Variants in MAP7D1 observed in about 807,000 individuals in gnomAD.
The protein encoded by MAP7D1 is MAP7 domain-containing protein 1.
In MAP7D1, 30 loss-of-function variants were observed where a neutral mutation model predicts 97.5. The observed-to-expected ratio is 0.31, with a 90% CI of 0.23 to 0.42. The LOEUF (loss-of-function observed/expected upper bound fraction) is 0.42, where lower values mean the gene tolerates loss of function less well. Among genes scored for constraint, MAP7D1 ranks in the 10% least tolerant of loss-of-function variants. The pLI is 1.00. For missense variants in MAP7D1, 1,184 were observed against 1,179.5 expected (o/e 1.00, Z -0.06); for synonymous variants, 536 against 477.1 (o/e 1.12, Z -1.61).
Position 36,156,392 on chromosome 1 carries a change from C to T in MAP7D1, c.-26C>T. On this transcript the variant is annotated 5_prime_UTR_variant, in exon 1 of 17. Transcript: ENST00000474796. The stretch of plus-strand genomic sequence containing the variant: ...CGCCGCCGCCGCCGCCGCTGAGACC[C>T]CGAGACCCCCAGTGACGCCGCAGCC... The T allele has an allele frequency of 6.7e-7, 1 of 1,485,576 alleles. No homozygotes were observed. 92.0% of individuals were successfully genotyped at this position (1,485,576 alleles called of 1,614,324 possible). A position where few individuals can be genotyped will look rare whatever the true frequency, so the allele number is the denominator to read the frequency against.
At chr1:36,163,676 C>T (rs1422081118) in intron 1 of MAP7D1, among the ~76,000 whole-genome samples, 2 of 152,104 alleles carry the variant, frequency 1.3e-5, no homozygotes, top group Non-Finnish European at 2.9e-5. Flanking sequence ...GGAGTAAACA[C>T]TCATTATTAT....
intron 5 of MAP7D1, 84 bp downstream of exon 5, chr1:36,173,562 C>A: frequency 9.7e-7 from 1 of 1,027,256 alleles, no homozygotes. Context: ...CTACAAAAAG[C>A]TGGTGGCTCC....
At chr1:36,157,269 C>G (rs272833) in intron 1 of MAP7D1, 113,836 of 152,352 alleles carry the variant, frequency 0.75, 43,250 homozygotes, top group East Asian at 0.91. Flanking sequence ...CTCTGGGCCC[C>G]AATCTCCCAC....
At chr1:36,171,994 G>A (rs1362715476) in intron 3 of MAP7D1, 2 of 194,956 alleles carry the variant, frequency 1.0e-5, no homozygotes, top group Non-Finnish European at 2.1e-5. Context: ...TGTGCACTGT[G>A]CTAAGAGCAG....
At position 36,159,024 on chromosome 1, in the gene MAP7D1, G is replaced by A. The variant is rs1026729179; in HGVS notation, c.46+2561G>A. Reference sequence around the variant, plus strand: ...GGCACATAGCCAGTGCCCAATAAGTGCTAGCCATTTGTTATTTATTTATTT... The same window carrying A: ...GGCACATAGCCAGTGCCCAATAAGTACTAGCCATTTGTTATTTATTTATTT... On this transcript the variant is annotated intron_variant, in intron 1 of 16. Coordinates refer to ENST00000474796, the MANE Select transcript of MAP7D1 (RefSeq NM_001388490.1). This position sits in a 1 kb window ranked among gnomAD's most constrained non-coding sequence, Gnocchi z 5.4. Among the ~76,000 whole-genome samples, 1 of 148,740 alleles carries A rather than the reference G, an allele frequency of 6.7e-6. No homozygotes were observed. Among genetic ancestry groups the A allele is most frequent in the Non-Finnish European group, 1.5e-5 (1 of 67,154 alleles).
Position 36,176,866 on chromosome 1 carries a change from C to T in MAP7D1, c.1379+24C>T. 1 of 1,551,740 alleles carries T rather than the reference C, an allele frequency of 6.4e-7. No individual in the cohort carries two copies. The highest frequency in any genetic ancestry group is 2.2e-4 in the Middle Eastern group (1 of 4,582). On this transcript the variant is annotated intron_variant, in intron 8 of 16. Coordinates refer to ENST00000474796, the MANE Select transcript of MAP7D1 (RefSeq NM_001388490.1). This position sits in a 1 kb window ranked among gnomAD's most constrained non-coding sequence, Gnocchi z 6.1. Reference sequence around the variant, plus strand: ...AGGTGGGCGCGGGCGGTGCGAGGGACCCTGCCCCTCACCGGGTCATTTATT... The same window carrying T: ...AGGTGGGCGCGGGCGGTGCGAGGGATCCTGCCCCTCACCGGGTCATTTATT...
chr1:36,168,079 G>A (rs1428677313), intron 1 of MAP7D1, among the ~76,000 whole-genome samples: 1 of 152,044 alleles, frequency 6.6e-6, no homozygotes, highest in African/African-American at 2.4e-5. Context: ...GGCGGATCAC[G>A]AGGTCAAGAG....
At position 36,176,982 on chromosome 1, in the gene MAP7D1, C is replaced by A. The variant is rs969806019; in HGVS notation, c.1379+140C>A. The A allele has an allele frequency of 2.6e-6, 2 of 768,268 alleles. No homozygotes were observed. The highest frequency in any genetic ancestry group is 2.8e-5 in the East Asian group (1 of 36,356). The allele number at this position is 768,268 out of a possible 1,614,324, so 47.6% of individuals were successfully genotyped here. A position where few individuals can be genotyped will look rare whatever the true frequency, so the allele number is the denominator to read the frequency against. ...TCTGTTTTGTTTGAGACAGGATCTC[C>A]CTCTGTCACCCAGGCTGGAGTGCAG... is the stretch of plus-strand genomic sequence containing the variant. On this transcript the variant is annotated intron_variant, in intron 8 of 16. Transcript: ENST00000474796. This position sits in a 1 kb window ranked among gnomAD's most constrained non-coding sequence, Gnocchi z 6.1.
chr1:36,156,607 C>A (rs1258122074), intron 1 of MAP7D1, 144 bp downstream of exon 1: 2 of 610,160 alleles, frequency 3.3e-6, no homozygotes, highest in Non-Finnish European at 5.0e-6. Flanking sequence ...AAGGCTGCGG[C>A]GGCGGCGGCT....
chr1:36,171,386 G>T, intron 2 of MAP7D1, 71 bp downstream of exon 2: 1 of 1,542,560 alleles, frequency 6.5e-7, no homozygotes, highest in Non-Finnish European at 8.8e-7. Flanking sequence ...CATGCCAACT[G>T]AAAGAGTCCT....
rs780778819 is a variant in MAP7D1, at chr1:36,180,022, G to A, written c.2467G>A (p.Glu823Lys). Residue 823 changes from glutamate (E) to lysine (K), a missense_variant, in exon 16 of 17, where the codon GAA (glutamate) becomes AAA (lysine). Coordinates refer to ENST00000474796, the MANE Select transcript of MAP7D1 (RefSeq NM_001388490.1). ...PETLLPFAEA[E>K]AFLKKAVVQS... ...GACACTCCTGCCCTTTGCAGAGGCA[G>A]AAGCCTTCCTCAAGAAAGCTGTGGT... 8.7e-6 allele frequency: 14 copies of A among 1,614,194 alleles called. No homozygotes were observed. The South Asian group carries it at 1.5e-4, about 18-fold the overall frequency.
At chr1:36,166,051 G>A (rs1644471159) in intron 1 of MAP7D1, among the ~76,000 whole-genome samples, 1 of 152,036 alleles carries the variant, frequency 6.6e-6, no homozygotes, top group South Asian at 2.1e-4. Context: ...TTTAAATAGG[G>A]GCTAAGGGAA....
rs970959837 is a variant in MAP7D1, at chr1:36,156,339, C to T, written c.-79C>T. Reference sequence around the variant, plus strand: ...GCCGGGCCGGGCCGGGCGTGATGCGCCGCGGGACCCCTGTCCTGGCCACTG... The same window carrying T: ...GCCGGGCCGGGCCGGGCGTGATGCGTCGCGGGACCCCTGTCCTGGCCACTG... On this transcript the variant is annotated 5_prime_UTR_variant, in exon 1 of 17. Transcript: ENST00000474796. 4 of 1,276,850 alleles carry T rather than the reference C, an allele frequency of 3.1e-6. No individual in the cohort carries two copies. Among genetic ancestry groups the T allele is most frequent in the African/African-American group, 1.6e-5 (1 of 63,450 alleles). 79.1% of individuals were successfully genotyped at this position (1,276,850 alleles called of 1,614,324 possible).
At chr1:36,180,188 C>G in intron 16 of MAP7D1, 60 bp from the exon 17 acceptor site, 2 of 1,613,408 alleles carry the variant, frequency 1.2e-6, no homozygotes. Context: ...CTGAAGACCC[C>G]CAGCTATCTG....
Position 36,179,106 on chromosome 1 carries a change from C to T in MAP7D1, c.2130+81C>T, listed in dbSNP as rs1644677645. On this transcript the variant is annotated intron_variant, in intron 12 of 16. Transcript: ENST00000474796. ...GGGCGGGGCCTGGGCTTAGAGCGGA[C>T]AGGACGGGAAAGCGCTGGGGCAAAT... is the stretch of plus-strand genomic sequence containing the variant. 14 of 1,512,608 alleles carry T rather than the reference C, an allele frequency of 9.3e-6. No homozygotes were observed. In the South Asian group the frequency reaches 1.4e-4, roughly 16 times the overall value. The allele number at this position is 1,512,608 out of a possible 1,614,324, so 93.7% of individuals were successfully genotyped here.
Position 36,176,518 on chromosome 1 carries a change from G to A in MAP7D1, c.1170G>A (p.Glu390=). 7.2e-7 allele frequency: 1 copy of A among 1,379,332 alleles called. No individual in the cohort carries two copies. The highest frequency in any genetic ancestry group is 1.5e-5 in the South Asian group (1 of 65,246). The allele number at this position is 1,379,332 out of a possible 1,614,324, so 85.4% of individuals were successfully genotyped here. ...GCGCCCCCGCCGGTGAGCGCGGGGA[G>A]CGCCGCAAGCCCAACGCCGGGGGCA... The part of the protein sequence containing the change: ...HRCAPAGERG[E]RRKPNAGGSP... Residue 390 remains glutamate (E), a synonymous_variant, in exon 7 of 17, where the codon GAG becomes GAA. Transcript: ENST00000474796. This position sits in a 1 kb window ranked among gnomAD's most constrained non-coding sequence, Gnocchi z 6.1.
At position 36,159,018 on chromosome 1, in the gene MAP7D1, A is replaced by G. The variant is rs1333819288; in HGVS notation, c.46+2555A>G. Among the ~76,000 whole-genome samples the G allele has an allele frequency of 1.3e-5, 2 of 151,606 alleles. No individual in the cohort carries two copies. The highest frequency in any genetic ancestry group is 1.3e-4 in the Admixed American group (2 of 15,154). On this transcript the variant is annotated intron_variant, in intron 1 of 16. Coordinates refer to ENST00000474796, the MANE Select transcript of MAP7D1 (RefSeq NM_001388490.1). This position sits in a 1 kb window ranked among gnomAD's most constrained non-coding sequence, Gnocchi z 5.4. ...GGCCCTGGCACATAGCCAGTGCCCA[A>G]TAAGTGCTAGCCATTTGTTATTTAT...
intron 6 of MAP7D1, 41 bp downstream of exon 6, chr1:36,175,049 T>C: frequency 7.3e-7 from 1 of 1,366,186 alleles, no homozygotes; most frequent in East Asian, 2.3e-5. Flanking sequence ...GAGCCCCTTG[T>C]AGCTCCCACC....
At position 36,170,998 on chromosome 1, in the gene MAP7D1, C is replaced by A; in HGVS notation, c.74C>A (p.Pro25Gln). The change falls in exon 2 of 17, where the codon CCA (proline) becomes CAA (glutamine). Residue 25 changes from proline to glutamine, a missense_variant. Transcript: ENST00000474796. Reference protein sequence around the residue: ...PAVVARTPPEPRPSPEGDPSP... With the variant: ...PAVVARTPPEQRPSPEGDPSP... ...GTGGTCGCCAGGACCCCCCCAGAGC[C>A]AAGACCTTCTCCAGAAGGTGACCCT... is the stretch of plus-strand genomic sequence containing the variant. The A allele has an allele frequency of 6.4e-7, 1 of 1,552,220 alleles. No individual in the cohort carries two copies. Among genetic ancestry groups the A allele is most frequent in the Non-Finnish European group, 8.8e-7 (1 of 1,130,850 alleles).
Sources: allele counts gnomAD v4.1 joint callset (sites outside exome capture counted in the v4.1 genomes callset), GRCh38; gene constraint gnomAD v4.1.1; non-coding constraint Gnocchi (gnomAD v3.1); transcripts MANE v1.5; gene names NCBI Gene and HGNC (gene_info 2026-07-23, HGNC 2026-07-21).